FRMD5: variants seen among roughly 807,000 people sequenced by gnomAD.
FRMD5 encodes the protein FERM domain-containing protein 5.
In FRMD5, 20 loss-of-function variants were observed where a neutral mutation model predicts 69.0. The observed-to-expected ratio is 0.29, with a 90% CI of 0.20 to 0.42. The LOEUF (loss-of-function observed/expected upper bound fraction) is 0.42, where lower values mean the gene tolerates loss of function less well. Ranked by LOEUF, FRMD5 falls within the 10% of genes least tolerant of loss-of-function variation. The pLI is 1.00. For synonymous variants in FRMD5, 271 were observed against 260.1 expected, an observed-to-expected ratio of 1.04 and a Z score of -0.40; for missense variants, 595 against 708.6, an observed-to-expected ratio of 0.84 and a Z score of 1.82.
chr15:44,133,622 T>C (rs2077138122), intron 1 of FRMD5, among the ~76,000 whole-genome samples: 1 of 149,848 alleles, frequency 6.7e-6, no homozygotes, highest in Non-Finnish European at 1.5e-5. Flanking sequence ...TTCTTAACTA[T>C]GTCTGTGAGG....
chr15:43,958,415 ATTTTTGTT>A lies in FRMD5; in HGVS notation c.103-34114_103-34107del, dbSNP rs537835317. Among the ~76,000 whole-genome samples, 516 of 152,224 alleles carry A rather than the reference ATTTTTGTT, an allele frequency of 3.4e-3. 4 individuals carry two copies. The highest frequency in any genetic ancestry group is 4.1e-3 in the Non-Finnish European group (279 of 67,996). On this transcript the variant is annotated intron_variant, in intron 1 of 13. Transcript: ENST00000417257. ...GATGGTTCTGTAGCCTCTGAAGTAA[ATTTTTGTT>A]TTTTTGTTTTTTTGTTTTTGAAACA...
Position 43,972,416 on chromosome 15 carries a change from A to G in FRMD5, c.103-48107T>C, listed in dbSNP as rs555214861. Among the ~76,000 whole-genome samples the G allele has an allele frequency of 2.0e-4, 31 of 152,262 alleles. No individual in the cohort carries two copies. In the East Asian group the frequency reaches 6.0e-3, roughly 29 times the overall value. On this transcript the variant is annotated intron_variant, in intron 1 of 13. Coordinates refer to ENST00000417257, the MANE Select transcript of FRMD5 (RefSeq NM_032892.5). ...TGAGTTTTAATTAAATATAGCTGTG[A>G]CCATAGACTAATGGACAATAAGATG...
intron 1 of FRMD5, among the ~76,000 whole-genome samples, chr15:43,956,773 G>A (rs1159722927): frequency 2.0e-5 from 3 of 152,200 alleles, no homozygotes; most frequent in Non-Finnish European, 4.4e-5. Context: ...TGGAAATGAT[G>A]AGTTCATGAA....
upstream of FRMD5, chr15:44,195,398 G>A (rs1314925861): frequency 3.0e-6 from 1 of 330,190 alleles, no homozygotes; most frequent in African/African-American, 2.2e-5. Context: ...AGAGTACTGG[G>A]ATGATGGGCG....
chr15:44,027,508 G>A (rs972091346), intron 1 of FRMD5, among the ~76,000 whole-genome samples: 2 of 152,166 alleles, frequency 1.3e-5, no homozygotes, highest in African/African-American at 2.4e-5. Context: ...GTCAGGGGCA[G>A]CTTGGTTTCT....
intron 10 of FRMD5, among the ~76,000 whole-genome samples, chr15:43,887,298 C>T (rs576868855): frequency 2.6e-5 from 4 of 152,334 alleles, no homozygotes; most frequent in African/African-American, 4.8e-5. Context: ...CAGGCAGGAG[C>T]TTGCATCTCA....
chr15:43,913,378 G>A (rs983483327), intron 4 of FRMD5, among the ~76,000 whole-genome samples: 3 of 152,346 alleles, frequency 2.0e-5, no homozygotes, highest in Non-Finnish European at 2.9e-5. Flanking sequence ...AAGAGGAGAT[G>A]AGCTCATGAA....
At chr15:43,903,978 T>C (rs2089109145) in intron 6 of FRMD5, among the ~76,000 whole-genome samples, 1 of 152,154 alleles carries the variant, frequency 6.6e-6, no homozygotes, top group Admixed American at 6.5e-5. Flanking sequence ...CGCTATTCCC[T>C]AACAGAGTGA....
intron 1 of FRMD5, among the ~76,000 whole-genome samples, chr15:44,006,337 A>G (rs1448150639): frequency 6.6e-6 from 1 of 152,192 alleles, no homozygotes; most frequent in East Asian, 1.9e-4. Context: ...CTTTCAAAAT[A>G]TTACTGCTCA....
chr15:43,995,404 C>G (rs145233706), intron 1 of FRMD5, among the ~76,000 whole-genome samples: 149 of 152,280 alleles, frequency 9.8e-4, no homozygotes, highest in African/African-American at 3.6e-3. Context: ...AGAGGATGGC[C>G]TGGTGCTGGG....
At chr15:44,129,619 T>C (rs1421730117) in intron 1 of FRMD5, among the ~76,000 whole-genome samples, 2 of 152,146 alleles carry the variant, frequency 1.3e-5, no homozygotes, top group Non-Finnish European at 1.5e-5. Flanking sequence ...CAATATCCCA[T>C]TAACTCCAAA....
intron 1 of FRMD5, among the ~76,000 whole-genome samples, chr15:44,184,012 T>C (rs1245067972): frequency 6.6e-6 from 1 of 152,040 alleles, no homozygotes; most frequent in Non-Finnish European, 1.5e-5. Flanking sequence ...GTTCTTTCAT[T>C]ATCCTCAACC....
rs1285957563 is a variant in FRMD5 at position 43,932,468 on chromosome 15, T to A, written c.103-8159A>T. Reference sequence around the variant, plus strand: ...ATCCCCTCAGAAGCCTGGCAGCCTCTAATCAGTGCCACAGAGACAAAGGCA... The same window carrying A: ...ATCCCCTCAGAAGCCTGGCAGCCTCAAATCAGTGCCACAGAGACAAAGGCA... On this transcript the variant is annotated intron_variant, in intron 1 of 13. Transcript: ENST00000417257. Among the ~76,000 whole-genome samples, 6 of 152,308 alleles carry A rather than the reference T, an allele frequency of 3.9e-5. No individual in the cohort carries two copies. The East Asian group carries it at 1.2e-3, about 29-fold the overall frequency.
intron 1 of FRMD5, among the ~76,000 whole-genome samples, chr15:43,928,620 G>A (rs1014925186): frequency 2.0e-4 from 31 of 152,308 alleles, no homozygotes; most frequent in African/African-American, 7.2e-4. Context: ...CTGCGTCCTG[G>A]GATACCCTCT....
intron 1 of FRMD5, among the ~76,000 whole-genome samples, chr15:43,934,859 G>C (rs1276426258): frequency 6.6e-6 from 1 of 152,194 alleles, no homozygotes; most frequent in African/African-American, 2.4e-5. Context: ...CTATATGCGA[G>C]GGCTTTAGGC....
chr15:44,093,326 T>C (rs2076502041), intron 1 of FRMD5, among the ~76,000 whole-genome samples: 1 of 151,994 alleles, frequency 6.6e-6, no homozygotes, highest in South Asian at 2.1e-4. Context: ...CTAAACTCTC[T>C]TCCATTCCTT....
chr15:43,884,618 G>A (rs1269808715), intron 12 of FRMD5, 109 bp downstream of exon 12: 1 of 873,932 alleles, frequency 1.1e-6, no homozygotes, highest in Non-Finnish European at 1.8e-6. Context: ...CTCCATTTTG[G>A]ACTTTTTGGT....
intron 1 of FRMD5, among the ~76,000 whole-genome samples, chr15:44,078,658 T>G (rs926618924): frequency 6.6e-6 from 1 of 152,120 alleles, no homozygotes. Context: ...GCCAAATTAT[T>G]TTTCAACAAG....
chr15:43,897,546 G>T (rs982745601), intron 7 of FRMD5, among the ~76,000 whole-genome samples: 76 of 151,440 alleles, frequency 5.0e-4, no homozygotes, highest in African/African-American at 1.8e-3. Flanking sequence ...ATGGGGGATG[G>T]GGTTCTTCTT....
Sources: gnomAD v4.1 joint callset for allele counts (sites outside exome capture counted in the v4.1 genomes callset) on GRCh38, gnomAD v4.1.1 for gene constraint, MANE v1.5 for transcripts, NCBI Gene and HGNC (gene_info 2026-07-23, HGNC 2026-07-21) for gene names.